MERTK: variants seen among roughly 807,000 people sequenced by gnomAD.
The protein encoded by MERTK is tyrosine-protein kinase Mer.
MERTK carries 69 observed loss-of-function variants against 99.3 expected under a neutral mutation model. The ratio of observed to expected loss-of-function variants is 0.70; its 90% CI spans 0.57 to 0.85. The LOEUF (loss-of-function observed/expected upper bound fraction) is 0.85. Among genes scored for constraint, MERTK ranks in the 40% least tolerant of loss-of-function variants. The pLI is 0.00. For missense variants in MERTK, 1,125 were observed against 1,249.4 expected (o/e 0.90, Z 1.50); for synonymous variants, 426 against 467.6 (o/e 0.91, Z 1.15).
chr2:112,022,375 G>A lies in MERTK; in HGVS notation c.2467G>A (p.Glu823Lys), dbSNP rs55924349. 1.1e-5 allele frequency: 17 copies of A among 1,614,110 alleles called. No individual in the cohort carries two copies. The highest frequency in any genetic ancestry group is 3.3e-5 in the Admixed American group (2 of 60,010). ...LLHGHRLKQP[E>K]DCLDELYEIM... Reference sequence around the variant, plus strand: ...CCATGGCCACAGGTTGAAGCAGCCCGAAGACTGCCTGGATGAACTGTGAGT... The same window carrying A: ...CCATGGCCACAGGTTGAAGCAGCCCAAAGACTGCCTGGATGAACTGTGAGT... The change falls in exon 18 of 19, where the codon GAA (glutamate) becomes AAA (lysine). Residue 823 changes from glutamate to lysine, a missense_variant. By Grantham distance (56) the Glu-to-Lys change is moderately conservative. Coordinates refer to ENST00000295408, the MANE Select transcript of MERTK (RefSeq NM_006343.3).
intron 10 of MERTK, among the ~76,000 whole-genome samples, chr2:111,997,897 C>T (rs538058227): frequency 6.6e-6 from 1 of 152,166 alleles, no homozygotes; most frequent in Non-Finnish European, 1.5e-5. Flanking sequence ...ACAGAAAATA[C>T]AAAAATTAGC....
chr2:112,015,920 TG>T, intron 15 of MERTK: 1 of 152,594 alleles, frequency 6.6e-6, no homozygotes, highest in South Asian at 2.1e-4. Flanking sequence ...TCTTAATCCA[TG>T]AAAAGACTGT....
At position 111,929,509 on chromosome 2, in the gene MERTK, G is replaced by A. The variant is rs1347867134; in HGVS notation, c.451G>A (p.Asp151Asn). The A allele has an allele frequency of 1.2e-6, 2 of 1,613,046 alleles. No homozygotes were observed. The highest frequency in any genetic ancestry group is 1.1e-5 in the South Asian group (1 of 90,828). The change falls in exon 2 of 19, where the codon GAT (aspartate) becomes AAT (asparagine). Residue 151 changes from aspartate to asparagine, a missense_variant. Coordinates refer to ENST00000295408, the MANE Select transcript of MERTK (RefSeq NM_006343.3). ...TGCAATTACACAGTTTTATCCAGAT[G>A]ATGAAGTTACAGCAATAATCGCTTC... ...HHAITQFYPDDEVTAIIASFS... is the reference protein window; with the variant it reads ...HHAITQFYPDNEVTAIIASFS...
chr2:111,961,643 G>A (rs962450835), intron 4 of MERTK, among the ~76,000 whole-genome samples: 1 of 152,126 alleles, frequency 6.6e-6, no homozygotes, highest in Non-Finnish European at 1.5e-5. Context: ...AGATGTATGG[G>A]TTTGCTTTTC....
chr2:111,970,563 G>A (rs1217710375), intron 6 of MERTK, among the ~76,000 whole-genome samples: 1 of 152,164 alleles, frequency 6.6e-6, no homozygotes, highest in African/African-American at 2.4e-5. Context: ...ATCTAATTGT[G>A]TCTATATTCA....
intron 2 of MERTK, chr2:111,940,237 AGT>A: frequency 3.7e-6 from 1 of 268,358 alleles, no homozygotes. Context: ...ACATGCCGGA[AGT>A]ATACATGGTT....
intron 16 of MERTK, 98 bp downstream of exon 16, chr2:112,019,620 AAGCTGC>A (rs1312380530): frequency 1.5e-5 from 14 of 929,496 alleles, no homozygotes; most frequent in Non-Finnish European, 2.3e-5. Context: ...ATAGGCAAGG[AAGCTGC>A]AGTCAGCGGG....
chr2:111,976,921 A>G (rs1477662719), intron 7 of MERTK, among the ~76,000 whole-genome samples: 1 of 152,094 alleles, frequency 6.6e-6, no homozygotes, highest in Non-Finnish European at 1.5e-5. Flanking sequence ...CAAGTGATTT[A>G]TACCATTTCA....
chr2:111,925,429 G>A (rs1232471052), intron 1 of MERTK, among the ~76,000 whole-genome samples: 1 of 148,234 alleles, frequency 6.7e-6, no homozygotes, highest in Admixed American at 6.8e-5. Flanking sequence ...AGCCTCCTGA[G>A]TAGCTGGGAT....
At chr2:111,917,637 A>T (rs2104673262) in intron 1 of MERTK, among the ~76,000 whole-genome samples, 1 of 152,280 alleles carries the variant, frequency 6.6e-6, no homozygotes. Flanking sequence ...CTGTAATCCC[A>T]GCACTTTGGG....
At chr2:111,932,372 G>A (rs59011574) in intron 2 of MERTK, among the ~76,000 whole-genome samples, 6,710 of 152,166 alleles carry the variant, frequency 0.044, 508 homozygotes, top group African/African-American at 0.15. Context: ...TAGTAGAGAC[G>A]GGATTTCACC....
Position 112,028,741 on chromosome 2 carries a change from G to A in MERTK, c.2877G>A (p.Gly959=), listed in dbSNP as rs1290119761. The A allele has an allele frequency of 4.3e-6, 7 of 1,614,028 alleles. No individual in the cohort carries two copies. Among genetic ancestry groups the A allele is most frequent in the African/African-American group, 1.3e-5 (1 of 74,896 alleles). ...VTAEKNSVLP[G]ERLVRNGVSW... is the part of the protein sequence containing the mutation. Reference sequence around the variant, plus strand: ...CTGAAAAGAACAGTGTTTTACCGGGGGAGAGACTTGTTAGGAATGGGGTCT... The same window carrying A: ...CTGAAAAGAACAGTGTTTTACCGGGAGAGAGACTTGTTAGGAATGGGGTCT... The change falls in exon 19 of 19, where the codon GGG becomes GGA. Residue 959 remains glycine, a synonymous_variant. Transcript: ENST00000295408.
At chr2:111,925,292 A>ATATATATATATATATATATATAT (rs372747015) in intron 1 of MERTK, among the ~76,000 whole-genome samples, 2 of 24,498 alleles carry the variant, frequency 8.2e-5, no homozygotes, top group Non-Finnish European at 1.5e-4. Context: ...ATATATATAT[A>ATATATATATATATATATATATAT]TTTTTTTTTT....
intron 4 of MERTK, 112 bp downstream of exon 4, chr2:111,947,679 A>G (rs1412740466): frequency 4.7e-6 from 6 of 1,274,404 alleles, no homozygotes; most frequent in Non-Finnish European, 2.3e-6. Flanking sequence ...ATGAAAATAC[A>G]GGTGTGGCAG....
chr2:112,007,407 G>T (rs1005286792), intron 13 of MERTK, among the ~76,000 whole-genome samples: 4 of 152,140 alleles, frequency 2.6e-5, no homozygotes, highest in African/African-American at 9.7e-5. Context: ...ACCCACCTCA[G>T]CCTCCCAAAG....
rs562116682 is a variant in MERTK at position 111,916,577 on chromosome 2, C to A, written c.62-12543C>A. 1.6e-3 allele frequency among the ~76,000 whole-genome samples: 241 copies of A among 151,846 alleles called. 1 individual carries two copies. Among genetic ancestry groups the A allele is most frequent in the African/African-American group, 5.1e-3 (211 of 41,406 alleles). ...TGATTTTTAAAAAGATCTTCTATTT[C>A]TTTACTGAGACTTTGTATTTCTTTG... On this transcript the variant is annotated intron_variant, in intron 1 of 18. Transcript: ENST00000295408.
intron 18 of MERTK, among the ~76,000 whole-genome samples, chr2:112,028,008 C>CT (rs764796019): frequency 1.7e-4 from 26 of 152,168 alleles, no homozygotes; most frequent in Admixed American, 3.9e-4. Context: ...TCCAATAAAA[C>CT]TTTATTTACA....
chr2:111,969,901 C>T (rs560317044), intron 6 of MERTK, among the ~76,000 whole-genome samples: 22 of 152,194 alleles, frequency 1.4e-4, no homozygotes, highest in Admixed American at 7.2e-4. Context: ...CCGTGTTAGC[C>T]AGGATGGTCT....
chr2:111,901,201 C>T (rs1055528936), intron 1 of MERTK, among the ~76,000 whole-genome samples: 1 of 151,980 alleles, frequency 6.6e-6, no homozygotes, highest in Admixed American at 6.6e-5. Context: ...TCTGAAGGGC[C>T]AGGGAGAGGA....
Sources: allele counts gnomAD v4.1 joint callset (sites outside exome capture counted in the v4.1 genomes callset), GRCh38; gene constraint gnomAD v4.1.1; transcripts MANE v1.5; gene names NCBI Gene and HGNC (gene_info 2026-07-23, HGNC 2026-07-21).